Variants in SGCZ observed in about 807,000 individuals in gnomAD.
SGCZ encodes sarcoglycan zeta, also known as zeta-sarcoglycan.
Under a neutral mutation model 41.3 loss-of-function variants are expected in SGCZ, and 40 were observed. The ratio of observed to expected loss-of-function variants is 0.97; its 90% confidence interval spans 0.75 to 1.26. The LOEUF is 1.26. Ranked by LOEUF, SGCZ falls within the 50% of genes most tolerant of loss-of-function variation. The pLI, the probability that SGCZ is intolerant of heterozygous loss-of-function variation, is 0.00. For synonymous variants in SGCZ, 206 were observed against 137.5 expected (o/e 1.50, Z -3.49); for missense variants, 552 against 369.8 (o/e 1.49, Z -4.04).
chr8:14,201,317 A>G (rs927607997), intron 4 of SGCZ, among the ~76,000 whole-genome samples: 1 of 152,196 alleles, frequency 6.6e-6, no homozygotes, highest in Non-Finnish European at 1.5e-5. Flanking sequence ...AAAAGCCTGT[A>G]TGCATAAGCT....
At chr8:15,142,578 AC>A (rs941873067) in intron 1 of SGCZ, among the ~76,000 whole-genome samples, 24 of 151,690 alleles carry the variant, frequency 1.6e-4, no homozygotes, top group Non-Finnish European at 2.7e-4. Context: ...CATGTAAATC[AC>A]CCCCCAATTA....
chr8:14,859,983 T>C (rs569127746), intron 1 of SGCZ, among the ~76,000 whole-genome samples: 17 of 152,280 alleles, frequency 1.1e-4, no homozygotes, highest in Non-Finnish European at 1.8e-4. Context: ...AGTCAAATTA[T>C]GTGCTAGGAA....
At chr8:14,153,275 C>G (rs2116956761) in intron 5 of SGCZ, among the ~76,000 whole-genome samples, 1 of 152,220 alleles carries the variant, frequency 6.6e-6, no homozygotes, top group Middle Eastern at 3.4e-3. Context: ...GTAATTTCCC[C>G]CATAAACTCA....
At chr8:14,321,691 C>A (rs1339957583) in intron 3 of SGCZ, among the ~76,000 whole-genome samples, 2 of 152,110 alleles carry the variant, frequency 1.3e-5, no homozygotes. Flanking sequence ...TTTCTCTCAG[C>A]TTCACTGAAT....
intron 1 of SGCZ, among the ~76,000 whole-genome samples, chr8:14,702,140 G>T (rs138224478): frequency 6.6e-6 from 1 of 152,022 alleles, no homozygotes; most frequent in African/African-American, 2.4e-5. Context: ...AATGCTCAGT[G>T]CTCACTTTGC....
intron 4 of SGCZ, among the ~76,000 whole-genome samples, chr8:14,173,552 TAAC>T (rs1344489215): frequency 1.3e-5 from 2 of 152,034 alleles, no homozygotes; most frequent in East Asian, 3.9e-4. Context: ...AAGGTGTGTA[TAAC>T]AACTCTCCAA....
intron 5 of SGCZ, among the ~76,000 whole-genome samples, chr8:14,147,956 G>C (rs1230541011): frequency 6.6e-6 from 1 of 152,084 alleles, no homozygotes; most frequent in Non-Finnish European, 1.5e-5. Context: ...TCAATGATCA[G>C]TGTGTCAATA....
intron 3 of SGCZ, among the ~76,000 whole-genome samples, chr8:14,270,151 G>A (rs1305725172): frequency 7.3e-6 from 1 of 136,236 alleles, no homozygotes; most frequent in Non-Finnish European, 1.7e-5. Context: ...GGCCAACATG[G>A]TGAAACCCTG....
chr8:15,122,756 C>T (rs1387878606), intron 1 of SGCZ, among the ~76,000 whole-genome samples: 1 of 152,104 alleles, frequency 6.6e-6, no homozygotes, highest in African/African-American at 2.4e-5. Context: ...CATAAATAAA[C>T]TTAGTTATGA....
chr8:14,102,481 T>G lies in SGCZ; in HGVS notation c.639A>C (p.Arg213Ser). The change falls in exon 7 of 8, where the codon AGA becomes AGC. Residue 213 changes from arginine (R) to serine (S), a missense_variant. Physicochemically the swap from Arg to Ser is moderately radical, Grantham distance 110 (BLOSUM62 -1). Transcript: ENST00000382080. ...CACGGGGAGCTTCCATGATCAAGGA[T>G]CTGGTGGGTGATTCAAGCCTAAGGG... ...SQDLRLESPTRSLIMEAPRGV... is the reference protein window; with the variant it reads ...SQDLRLESPTSSLIMEAPRGV... 6.8e-7 allele frequency: 1 copy of G among 1,469,310 alleles called. No homozygotes were observed. Among genetic ancestry groups the G allele is most frequent in the Non-Finnish European group, 9.1e-7 (1 of 1,093,356 alleles). The allele number at this position is 1,469,310 out of a possible 1,614,324, so 91.0% of individuals were successfully genotyped here. A position where few individuals can be genotyped will look rare whatever the true frequency, so the allele number is the denominator to read the frequency against.
intron 1 of SGCZ, among the ~76,000 whole-genome samples, chr8:15,174,514 T>C (rs1478093479): frequency 1.3e-5 from 2 of 152,168 alleles, no homozygotes; most frequent in Non-Finnish European, 2.9e-5. Flanking sequence ...AAAGTATACT[T>C]TATGTAATAT....
chr8:14,936,612 G>C (rs945288525), intron 1 of SGCZ, among the ~76,000 whole-genome samples: 4 of 151,690 alleles, frequency 2.6e-5, no homozygotes, highest in African/African-American at 9.7e-5. Flanking sequence ...ATAAAACTTT[G>C]AACCCAGTCA....
At chr8:15,154,256 A>C (rs1243005526) in intron 1 of SGCZ, among the ~76,000 whole-genome samples, 1 of 152,232 alleles carries the variant, frequency 6.6e-6, no homozygotes, top group Non-Finnish European at 1.5e-5. Context: ...AAAGTGTCTT[A>C]AAACAACAAG....
intron 1 of SGCZ, among the ~76,000 whole-genome samples, chr8:14,665,649 G>A (rs1408515539): frequency 6.6e-6 from 1 of 152,056 alleles, no homozygotes; most frequent in African/African-American, 2.4e-5. Context: ...TCCTTTCCTT[G>A]TGGCTTTGCT....
In SGCZ at chr8:14,769,971, G is replaced by A. The variant is rs539026859; in HGVS notation, c.40-215045C>T. Among the ~76,000 whole-genome samples the A allele has an allele frequency of 2.6e-5, 4 of 151,742 alleles. No individual in the cohort carries two copies. In the East Asian group the frequency reaches 5.8e-4, roughly 22 times the overall value. ...GCCTCTATCAGCCAGTACAGTATAG[G>A]CATATACCACCACTCGTGGTTCCTG... On this transcript the variant is annotated intron_variant, in intron 1 of 7. Coordinates refer to ENST00000382080, the MANE Select transcript of SGCZ (RefSeq NM_139167.4).
chr8:14,944,739 C>T (rs1800385019), intron 1 of SGCZ, among the ~76,000 whole-genome samples: 1 of 152,142 alleles, frequency 6.6e-6, no homozygotes, highest in South Asian at 2.1e-4. Context: ...ATTTTGCAAT[C>T]TGAAAGTGCG....
intron 2 of SGCZ, among the ~76,000 whole-genome samples, chr8:14,367,693 G>C (rs1046300715): frequency 5.3e-5 from 8 of 151,982 alleles, no homozygotes. Context: ...GTTCTCATGA[G>C]AATTCACTCC....
At chr8:15,084,760 A>AAAAG (rs1159355071) in intron 1 of SGCZ, among the ~76,000 whole-genome samples, 5 of 151,026 alleles carry the variant, frequency 3.3e-5, no homozygotes, top group South Asian at 2.1e-4. Flanking sequence ...TCAAACAAAC[A>AAAAG]AAAGAAAGAA....
intron 2 of SGCZ, among the ~76,000 whole-genome samples, chr8:14,335,743 C>T (rs887532818): frequency 4.6e-5 from 7 of 152,042 alleles, no homozygotes; most frequent in South Asian, 2.1e-4. Context: ...TCAGAACTTT[C>T]GAGTTACAGC....
Sources: gnomAD v4.1 joint callset for allele counts (sites outside exome capture counted in the v4.1 genomes callset) on GRCh38, gnomAD v4.1.1 for gene constraint, MANE v1.5 for transcripts, NCBI Gene and HGNC (gene_info 2026-07-23, HGNC 2026-07-21) for gene names.